The following GPC5 variants were observed in gnomAD, a reference collection of about 807,000 sequenced individuals.
The protein encoded by GPC5 is glypican 5, also known as glypican-5.
A neutral mutation model predicts 53.9 loss-of-function variants in GPC5; 47 were observed. The observed-to-expected ratio is 0.87, with a 90% CI of 0.69 to 1.11. GPC5 has a LOEUF of 1.11. Among genes scored for constraint, GPC5 ranks in the 50% most tolerant of loss-of-function variants. The pLI is 0.00. For missense variants in GPC5, 748 were observed against 713.1 expected (o/e 1.05, Z -0.56); for synonymous variants, 286 against 263.3 (o/e 1.09, Z -0.84).
chr13:91,838,833 A>G (rs2038752134), intron 5 of GPC5, among the ~76,000 whole-genome samples: 1 of 152,210 alleles, frequency 6.6e-6, no homozygotes, highest in Non-Finnish European at 1.5e-5. Context: ...ATTACAGAGT[A>G]GAGTTTAAGC....
intron 7 of GPC5, among the ~76,000 whole-genome samples, chr13:92,202,135 A>C (rs1312948589): frequency 6.6e-6 from 1 of 152,190 alleles, no homozygotes; most frequent in Admixed American, 6.5e-5. Flanking sequence ...AGAATGTAAA[A>C]ATGTTTTATT....
At chr13:91,429,304 CTT>C (rs1415448238) in intron 1 of GPC5, among the ~76,000 whole-genome samples, 1 of 151,976 alleles carries the variant, frequency 6.6e-6, no homozygotes, top group Non-Finnish European at 1.5e-5. Flanking sequence ...TTTTTTCATG[CTT>C]TTTTTGTTTG....
chr13:91,754,484 T>G (rs1195006271), intron 4 of GPC5, among the ~76,000 whole-genome samples: 3 of 152,060 alleles, frequency 2.0e-5, no homozygotes, highest in Non-Finnish European at 4.4e-5. Context: ...CCACCAAGAC[T>G]GAATTAGGGT....
chr13:92,792,219 A>G (rs1242684464), intron 7 of GPC5, among the ~76,000 whole-genome samples: 2 of 152,160 alleles, frequency 1.3e-5, no homozygotes, highest in Non-Finnish European at 2.9e-5. Context: ...CTCTCGGCAG[A>G]AACCCTACAA....
chr13:92,429,424 A>G (rs986647313), intron 7 of GPC5, among the ~76,000 whole-genome samples: 1 of 151,798 alleles, frequency 6.6e-6, no homozygotes. Context: ...TATACTTAAT[A>G]TACTAATTTA....
At chr13:92,175,679 A>C (rs2042104262) in intron 7 of GPC5, among the ~76,000 whole-genome samples, 2 of 152,094 alleles carry the variant, frequency 1.3e-5, no homozygotes, top group South Asian at 4.1e-4. Context: ...TCTTTAACCT[A>C]TTCTGTTCTT....
chr13:92,782,378 G>T (rs1876058998), intron 7 of GPC5, among the ~76,000 whole-genome samples: 1 of 152,092 alleles, frequency 6.6e-6, no homozygotes, highest in Admixed American at 6.6e-5. Flanking sequence ...GGCAAACAAG[G>T]TCACTGCAGC....
chr13:92,863,138 A>G (rs552279602), intron 7 of GPC5, among the ~76,000 whole-genome samples: 1 of 152,284 alleles, frequency 6.6e-6, no homozygotes, highest in African/African-American at 2.4e-5. Context: ...TTTGTAGGTA[A>G]CATAATTTAT....
At chr13:91,638,077 G>T (rs74104905) in intron 2 of GPC5, among the ~76,000 whole-genome samples, 2 of 152,144 alleles carry the variant, frequency 1.3e-5, no homozygotes, top group Non-Finnish European at 2.9e-5. Context: ...AAACAGCAAG[G>T]CCCAGAAGCA....
intron 6 of GPC5, among the ~76,000 whole-genome samples, chr13:92,119,461 C>T (rs528765981): frequency 3.4e-4 from 45 of 133,686 alleles, no homozygotes; most frequent in Middle Eastern, 4.3e-3. Flanking sequence ...TGCAGTGGCG[C>T]GATCTCGGCT....
At chr13:92,083,318 A>G (rs1221081787) in intron 6 of GPC5, among the ~76,000 whole-genome samples, 1 of 152,186 alleles carries the variant, frequency 6.6e-6, no homozygotes, top group East Asian at 1.9e-4. Context: ...CAATGGTAAG[A>G]GGAAATCAGA....
chr13:92,642,328 T>C (rs1273951605), intron 7 of GPC5, among the ~76,000 whole-genome samples: 4 of 152,204 alleles, frequency 2.6e-5, no homozygotes, highest in Non-Finnish European at 5.9e-5. Context: ...GGCTTCTACC[T>C]TTCATAAAAA....
At chr13:92,612,206 C>G (rs1448541142) in intron 7 of GPC5, among the ~76,000 whole-genome samples, 1 of 152,066 alleles carries the variant, frequency 6.6e-6, no homozygotes, top group Non-Finnish European at 1.5e-5. Context: ...ATACATAATG[C>G]TAGCGATTAT....
At chr13:91,521,141 C>A (rs1885794380) in intron 2 of GPC5, among the ~76,000 whole-genome samples, 2 of 152,068 alleles carry the variant, frequency 1.3e-5, no homozygotes, top group South Asian at 4.2e-4. Context: ...TCACATGTAC[C>A]ATGCTGTTTC....
chr13:92,749,472 T>C (rs1594477003), intron 7 of GPC5, among the ~76,000 whole-genome samples: 1 of 152,194 alleles, frequency 6.6e-6, no homozygotes, highest in Non-Finnish European at 1.5e-5. Flanking sequence ...TCACAATAAC[T>C]GTAAAATGGC....
chr13:91,503,817 A>AATAATAATC (rs1555316221), intron 2 of GPC5, among the ~76,000 whole-genome samples: 102 of 147,414 alleles, frequency 6.9e-4, no homozygotes, highest in African/African-American at 2.2e-3. Flanking sequence ...TAATAATAAT[A>AATAATAATC]ATCAGGCTGT....
At position 92,451,591 on chromosome 13, in the gene GPC5, C is replaced by T. The variant is rs1158344884; in HGVS notation, c.1561+306602C>T. ...ATTTCTATCATAAGGAATATGTATC[C>T]TAAATAATGATATGTTCTGCACGTG... On this transcript the variant is annotated intron_variant, in intron 7 of 7. Coordinates refer to ENST00000377067, the MANE Select transcript of GPC5 (RefSeq NM_004466.6). Among the ~76,000 whole-genome samples the T allele has an allele frequency of 2.0e-5, 3 of 151,978 alleles. No individual in the cohort carries two copies. The East Asian group carries it at 5.8e-4, about 29-fold the overall frequency.
chr13:92,697,918 T>A (rs2139244032), intron 7 of GPC5, among the ~76,000 whole-genome samples: 1 of 152,312 alleles, frequency 6.6e-6, no homozygotes, highest in Admixed American at 6.5e-5. Flanking sequence ...GCTGTTGAAT[T>A]TTGTCTAAGG....
rs2038089363 is a variant in GPC5 at position 91,798,844 on chromosome 13, G to A, written c.1280+42424G>A. 2.0e-5 allele frequency among the ~76,000 whole-genome samples: 3 copies of A among 152,262 alleles called. No individual in the cohort carries two copies. In the South Asian group the frequency reaches 6.2e-4, roughly 32 times the overall value. The stretch of plus-strand genomic sequence containing the variant: ...TTACACTCCCACCATCAGTGTGAAA[G>A]TGTTCCTTTCTCTCTGCAACCTCGC... On this transcript the variant is annotated intron_variant, in intron 5 of 7. Coordinates refer to ENST00000377067, the MANE Select transcript of GPC5 (RefSeq NM_004466.6).
Sources: gnomAD v4.1 joint callset for allele counts (sites outside exome capture counted in the v4.1 genomes callset) on GRCh38, gnomAD v4.1.1 for gene constraint, MANE v1.5 for transcripts, NCBI Gene and HGNC (gene_info 2026-07-23, HGNC 2026-07-21) for gene names.